Variants in RILPL2 observed in about 807,000 individuals in gnomAD.
RILPL2 encodes the protein Rab interacting lysosomal protein like 2.
In RILPL2, 19 loss-of-function variants were observed where a neutral mutation model predicts 22.2. The observed-to-expected ratio is 0.86, with a 90% confidence interval of 0.60 to 1.25. The LOEUF is 1.25. RILPL2 is among the 50% of genes most tolerant of loss of function. The pLI, the probability that RILPL2 is intolerant of heterozygous loss-of-function variation, is 0.00. For missense variants in RILPL2, 243 were observed against 263.6 expected (o/e 0.92, Z 0.54); for synonymous variants, 123 against 111.6 (o/e 1.10, Z -0.64).
chr12:123,425,478 C>T (rs1477958961), intron 2 of RILPL2, among the ~76,000 whole-genome samples: 3 of 151,316 alleles, frequency 2.0e-5, no homozygotes, highest in African/African-American at 4.9e-5. Context: ...CGTGCCTGGC[C>T]GAATTGTGTG....
rs547075882 is a variant in RILPL2 at position 123,424,996 on chromosome 12, C to T, written c.492-1839G>A. ...CCGGGTTCACGCCATTCTCCTGCCT[C>T]AGCCTCTCAAGTAGCTGGGACTACA... On this transcript the variant is annotated intron_variant, in intron 2 of 3. Transcript: ENST00000280571. Among the ~76,000 whole-genome samples, 3 of 152,204 alleles carry T rather than the reference C, an allele frequency of 2.0e-5. No homozygotes were observed. The East Asian group carries it at 5.8e-4, about 29-fold the overall frequency.
chr12:123,422,158 C>G (rs1178539410), intron 3 of RILPL2, among the ~76,000 whole-genome samples: 1 of 151,252 alleles, frequency 6.6e-6, no homozygotes, highest in Non-Finnish European at 1.5e-5. Context: ...ACCACAGGTG[C>G]AGGCCACCAC....
intron 2 of RILPL2, 138 bp downstream of exon 2, chr12:123,430,370 C>A: frequency 8.2e-6 from 6 of 727,650 alleles, no homozygotes; most frequent in Non-Finnish European, 1.2e-5. Context: ...GATCGCGCCA[C>A]TGCACTCCAG....
At position 123,434,812 on chromosome 12, in the gene RILPL2, C is replaced by T. The variant is rs1447650887; in HGVS notation, c.339+1270G>A. Among the ~76,000 whole-genome samples, 3 of 152,020 alleles carry T rather than the reference C, an allele frequency of 2.0e-5. No homozygotes were observed. In the East Asian group the frequency reaches 5.8e-4, roughly 29 times the overall value. Reference sequence around the variant, plus strand: ...TTCTAGCTCTCTATCAATTTCCCTTCTTTTCCCCCCACCACCAGTTTGCCT... The same window carrying T: ...TTCTAGCTCTCTATCAATTTCCCTTTTTTTCCCCCCACCACCAGTTTGCCT... On this transcript the variant is annotated intron_variant, in intron 1 of 3. Transcript: ENST00000280571.
intron 1 of RILPL2, 151 bp downstream of exon 1, chr12:123,435,931 C>A: frequency 8.2e-7 from 1 of 1,214,362 alleles, no homozygotes; most frequent in South Asian, 1.6e-5. Context: ...AGTTTGAGAC[C>A]AGCCTGGGCA....
At chr12:123,419,857 G>C (rs963204575) in intron 3 of RILPL2, among the ~76,000 whole-genome samples, 1 of 150,916 alleles carries the variant, frequency 6.6e-6, no homozygotes, top group South Asian at 2.1e-4. Context: ...GCAGTGGTGC[G>C]ATCTTGGCTC....
chr12:123,430,855 C>T (rs1423502286), intron 1 of RILPL2, among the ~76,000 whole-genome samples, 196 bp from the exon 2 acceptor site: 1 of 152,104 alleles, frequency 6.6e-6, no homozygotes, highest in Non-Finnish European at 1.5e-5. Flanking sequence ...CCCGCCATCA[C>T]GCCCGGCTAA....
intron 3 of RILPL2, among the ~76,000 whole-genome samples, chr12:123,420,073 G>A (rs1566090064): frequency 7.0e-6 from 1 of 142,528 alleles, no homozygotes; most frequent in African/African-American, 2.6e-5. Flanking sequence ...TGCCCAGGCT[G>A]GAGTGCAGTG....
intron 1 of RILPL2, among the ~76,000 whole-genome samples, chr12:123,431,158 C>T (rs1879637472): frequency 6.6e-6 from 1 of 152,066 alleles, no homozygotes; most frequent in Non-Finnish European, 1.5e-5. Context: ...ACCCAAGTGT[C>T]CATGAACAAA....
chr12:123,413,206 C>A (rs529090811), downstream of RILPL2: 171 of 163,744 alleles, frequency 1.0e-3, no homozygotes, highest in South Asian at 6.3e-3. Context: ...CACCACCCCC[C>A]AAAAAAAAGC....
In RILPL2 at chr12:123,436,068, G is replaced by C. The variant is rs1468871383; in HGVS notation, c.339+14C>G. On this transcript the variant is annotated intron_variant, in intron 1 of 3. Transcript: ENST00000280571. This position sits in a 1 kb window ranked among gnomAD's most constrained non-coding sequence, Gnocchi z 6.7. ...CAGGCGCCGTGGGCCCGGAACCCTCGCTCCCACACTCACCTCCCCGCTGGC... is the reference window on the plus strand; with the variant it reads ...CAGGCGCCGTGGGCCCGGAACCCTCCCTCCCACACTCACCTCCCCGCTGGC... 1 of 1,558,684 alleles carries C rather than the reference G, an allele frequency of 6.4e-7. No homozygotes were observed. Among genetic ancestry groups the C allele is most frequent in the Non-Finnish European group, 8.7e-7 (1 of 1,150,128 alleles).
At chr12:123,430,095 C>A (rs1319412844) in intron 2 of RILPL2, among the ~76,000 whole-genome samples, 3 of 105,790 alleles carry the variant, frequency 2.8e-5, no homozygotes, top group Admixed American at 2.1e-4. Flanking sequence ...CAGGGTGAGA[C>A]CCTCAAAAAA....
At chr12:123,416,013 G>T in intron 3 of RILPL2, 92 bp from the exon 4 acceptor site, 1 of 1,270,732 alleles carries the variant, frequency 7.9e-7, no homozygotes, top group Non-Finnish European at 1.2e-6. Context: ...AGCTCTTGCA[G>T]CTGTTGACTC....
intron 1 of RILPL2, among the ~76,000 whole-genome samples, chr12:123,435,260 C>T (rs1000744524): frequency 3.3e-5 from 5 of 152,086 alleles, no homozygotes; most frequent in African/African-American, 1.2e-4. Flanking sequence ...GATTCATTCA[C>T]ACTGCTGTGT....
intron 2 of RILPL2, among the ~76,000 whole-genome samples, chr12:123,428,449 T>G (rs983834630): frequency 3.9e-4 from 60 of 152,338 alleles, no homozygotes; most frequent in African/African-American, 1.4e-3. Context: ...AATTACTTAC[T>G]AAATGAGACA....
At chr12:123,420,390 C>T (rs995993099) in intron 3 of RILPL2, among the ~76,000 whole-genome samples, 15 of 151,980 alleles carry the variant, frequency 9.9e-5, no homozygotes, top group South Asian at 2.1e-4. Context: ...CCGCCCACCT[C>T]GGCCTCCCAA....
rs1285470025 is a variant in RILPL2 at position 123,436,163 on chromosome 12, C to T, written c.258G>A (p.Leu86=). The change falls in exon 1 of 4, where the codon CTG becomes CTA. Residue 86 remains leucine, a synonymous_variant. Transcript: ENST00000280571. This position sits in a 1 kb window ranked among gnomAD's most constrained non-coding sequence, Gnocchi z 6.7. ...EALVNEGSLA[L]EELKMERDHL... ...GGTCCCTCTCCATCTTCAGCTCCTCCAGCGCCAGGCTGCCCTCATTCACCA... is the reference window on the plus strand; with the variant it reads ...GGTCCCTCTCCATCTTCAGCTCCTCTAGCGCCAGGCTGCCCTCATTCACCA... The T allele has an allele frequency of 1.2e-6, 2 of 1,608,296 alleles. No homozygotes were observed. Among genetic ancestry groups the T allele is most frequent in the Non-Finnish European group, 1.7e-6 (2 of 1,177,762 alleles).
At chr12:123,434,828 C>G (rs114761671) in intron 1 of RILPL2, among the ~76,000 whole-genome samples, 3,010 of 152,002 alleles carry the variant, frequency 0.02, 117 homozygotes, top group African/African-American at 0.069. Flanking sequence ...CCCCCACCAC[C>G]AGTTTGCCTT....
chr12:123,421,598 C>G (rs1447356919), intron 3 of RILPL2, among the ~76,000 whole-genome samples: 5 of 151,968 alleles, frequency 3.3e-5, no homozygotes, highest in African/African-American at 1.2e-4. Flanking sequence ...TGCTCCTGCC[C>G]CTTGCCCTCT....
Sources: gnomAD v4.1 joint callset for allele counts (sites outside exome capture counted in the v4.1 genomes callset) on GRCh38, gnomAD v4.1.1 for gene constraint, Gnocchi (gnomAD v3.1) non-coding constraint, MANE v1.5 for transcripts, NCBI Gene and HGNC (gene_info 2026-07-23, HGNC 2026-07-21) for gene names.